The following PCSK5 variants were observed in gnomAD, a reference collection of about 807,000 sequenced individuals.
The protein encoded by PCSK5 is prohormone convertase 5.
A neutral mutation model predicts 233.2 loss-of-function variants in PCSK5; 129 were observed. That is an observed-to-expected ratio of 0.55 (90% CI 0.48 to 0.64). PCSK5 has a LOEUF of 0.64. PCSK5 is among the 30% of genes least tolerant of loss of function. The pLI, the probability that PCSK5 is intolerant of heterozygous loss-of-function variation, is 0.00. For synonymous variants in PCSK5, 825 were observed against 879.2 expected (o/e 0.94, Z 1.09); for missense variants, 2,076 against 2,430.1 (o/e 0.85, Z 3.06).
At chr9:76,136,043 G>T (rs957659018) in intron 10 of PCSK5, among the ~76,000 whole-genome samples, 1 of 151,970 alleles carries the variant, frequency 6.6e-6, no homozygotes, top group Non-Finnish European at 1.5e-5. Context: ...ACTATTGCAC[G>T]TGGCAATATT....
At position 76,358,648 on chromosome 9, in the gene PCSK5, G is replaced by A. The variant is rs573499972; in HGVS notation, c.5390G>A (p.Arg1797Gln). ...AVVVWKKSRGRVQPAAKAGYE... is the reference protein window; with the variant it reads ...AVVVWKKSRGQVQPAAKAGYE... ...GTAGTGTGGAAGAAATCTCGTGGCCGAGTCCAGCCAGCAGCAAAGGCCGGC... is the reference window on the plus strand; with the variant it reads ...GTAGTGTGGAAGAAATCTCGTGGCCAAGTCCAGCCAGCAGCAAAGGCCGGC... Residue 1797 changes from arginine to glutamine, a missense_variant, in exon 38 of 38, where the codon CGA becomes CAA. Physicochemically the swap from Arg to Gln is conservative, Grantham distance 43. Around this residue, in one of 6 missense-constraint regions of PCSK5, gnomAD observed 1,510 missense variants for 1,538.1 expected, o/e 0.98. Coordinates refer to ENST00000674117, the MANE Select transcript of PCSK5 (RefSeq NM_001372043.1). The A allele has an allele frequency of 2.2e-5, 35 of 1,612,746 alleles. 1 individual carries two copies. The African/African-American group carries it at 2.4e-4, about 11-fold the overall frequency.
chr9:76,109,746 G>GA (rs894566111), intron 9 of PCSK5, among the ~76,000 whole-genome samples: 9 of 151,978 alleles, frequency 5.9e-5, no homozygotes, highest in African/African-American at 2.2e-4. Flanking sequence ...GATAAACTCA[G>GA]AAAAAACAAA....
At chr9:76,177,634 A>G (rs1823674013) in intron 14 of PCSK5, among the ~76,000 whole-genome samples, 1 of 152,242 alleles carries the variant, frequency 6.6e-6, no homozygotes, top group South Asian at 2.1e-4. Context: ...AGGAGAAAGT[A>G]GATCCAAAAA....
At chr9:76,193,125 CT>C in intron 20 of PCSK5, 1 of 888,384 alleles carries the variant, frequency 1.1e-6, no homozygotes. Context: ...TGAATGATCT[CT>C]TCCAATTCCC....
chr9:76,237,861 A>T (rs1219529255), intron 22 of PCSK5, among the ~76,000 whole-genome samples: 1 of 152,232 alleles, frequency 6.6e-6, no homozygotes, highest in East Asian at 1.9e-4. Context: ...GCTCACAGGT[A>T]AAAAATAGTT....
chr9:75,983,269 A>G (rs1190277546), intron 2 of PCSK5, among the ~76,000 whole-genome samples: 1 of 152,218 alleles, frequency 6.6e-6, no homozygotes, highest in Non-Finnish European at 1.5e-5. Context: ...AATAACTTAC[A>G]TAATTTATAT....
chr9:75,933,764 A>T (rs761691368), intron 2 of PCSK5, among the ~76,000 whole-genome samples: 2 of 152,160 alleles, frequency 1.3e-5, no homozygotes, highest in African/African-American at 4.8e-5. Flanking sequence ...CACTATTCAG[A>T]ATTGAATTTT....
intron 37 of PCSK5, among the ~76,000 whole-genome samples, chr9:76,356,043 CAA>C (rs1179661606): frequency 6.6e-6 from 1 of 152,106 alleles, no homozygotes; most frequent in Non-Finnish European, 1.5e-5. Context: ...ATCATCTTTC[CAA>C]AAACGTTTTC....
At chr9:76,070,856 G>A (rs2131601550) in intron 6 of PCSK5, among the ~76,000 whole-genome samples, 1 of 152,104 alleles carries the variant, frequency 6.6e-6, no homozygotes, top group East Asian at 1.9e-4. Context: ...GTTTTCCTAA[G>A]GATTAAATTT....
intron 1 of PCSK5, among the ~76,000 whole-genome samples, chr9:75,921,475 G>A (rs938398204): frequency 1.1e-4 from 17 of 152,150 alleles, no homozygotes; most frequent in African/African-American, 2.6e-4. Context: ...CAATGCTTCC[G>A]GTTCCCGAGA....
chr9:76,345,713 C>T lies in PCSK5; in HGVS notation c.4967-5115C>T, dbSNP rs11144844. ...CTGGGATTACAGACGTGAGCCACCG[C>T]GCCTGGCCTGTTTGTTTGTTTTTTG... On this transcript the variant is annotated intron_variant, in intron 35 of 37. Coordinates refer to ENST00000674117, the MANE Select transcript of PCSK5 (RefSeq NM_001372043.1). Among the ~76,000 whole-genome samples the T allele has an allele frequency of 2.1e-3, 323 of 151,660 alleles. 1 individual carries two copies. Among genetic ancestry groups the T allele is most frequent in the African/African-American group, 7.1e-3 (295 of 41,338 alleles).
At chr9:76,265,096 T>C (rs1049643025) in intron 24 of PCSK5, among the ~76,000 whole-genome samples, 11 of 152,084 alleles carry the variant, frequency 7.2e-5, no homozygotes, top group African/African-American at 2.7e-4. Flanking sequence ...AAAAATTATG[T>C]CCTTTGTAGC....
chr9:76,139,835 C>T (rs1823134861), intron 10 of PCSK5, among the ~76,000 whole-genome samples: 1 of 152,024 alleles, frequency 6.6e-6, no homozygotes, highest in Non-Finnish European at 1.5e-5. Context: ...ACACAGAATT[C>T]AGGAATTTTA....
intron 10 of PCSK5, among the ~76,000 whole-genome samples, chr9:76,137,939 T>G (rs1010671066): frequency 2.6e-5 from 4 of 152,142 alleles, no homozygotes; most frequent in African/African-American, 9.7e-5. Flanking sequence ...TTTGTTTTGT[T>G]TTCTATTCTT....
At chr9:75,994,922 C>T (rs547849584) in intron 3 of PCSK5, among the ~76,000 whole-genome samples, 20 of 152,364 alleles carry the variant, frequency 1.3e-4, no homozygotes, top group African/African-American at 4.6e-4. Flanking sequence ...GAAGGCCTCA[C>T]ATGATTTGTT....
rs147509488 is a variant in PCSK5 at position 76,008,512 on chromosome 9, A to G, written c.412-15226A>G. 4.2e-3 allele frequency among the ~76,000 whole-genome samples: 635 copies of G among 151,182 alleles called. 41 individuals carry two copies. In the East Asian group the frequency reaches 0.11, roughly 26 times the overall value. On this transcript the variant is annotated intron_variant, in intron 3 of 37. Coordinates refer to ENST00000674117, the MANE Select transcript of PCSK5 (RefSeq NM_001372043.1). Reference sequence around the variant, plus strand: ...AGTCTCGCTCTGTCACCCAGGCTGGAGTGCAGTGGCGCAATCTTGGCTCAC... The same window carrying G: ...AGTCTCGCTCTGTCACCCAGGCTGGGGTGCAGTGGCGCAATCTTGGCTCAC...
intron 24 of PCSK5, among the ~76,000 whole-genome samples, chr9:76,254,025 T>C (rs902233495): frequency 2.0e-5 from 3 of 152,188 alleles, no homozygotes; most frequent in Non-Finnish European, 4.4e-5. Context: ...CTCTGTGTGA[T>C]CCTTAATTCA....
chr9:75,935,333 C>T (rs556421850), intron 2 of PCSK5, among the ~76,000 whole-genome samples: 4 of 152,314 alleles, frequency 2.6e-5, no homozygotes, highest in Non-Finnish European at 5.9e-5. Flanking sequence ...TCCCAGAGTG[C>T]TGGGATTACA....
intron 33 of PCSK5, among the ~76,000 whole-genome samples, chr9:76,328,827 G>C (rs1342344656): frequency 1.3e-5 from 2 of 151,442 alleles, no homozygotes; most frequent in African/African-American, 4.9e-5. Context: ...TTTGTTTGTT[G>C]GGAAGGAGTC....
Sources: gnomAD v4.1 joint callset for allele counts (sites outside exome capture counted in the v4.1 genomes callset) on GRCh38, gnomAD v4.1.1 for gene constraint, gnomAD v4.1.1 regional missense constraint, MANE v1.5 for transcripts, NCBI Gene and HGNC (gene_info 2026-07-23, HGNC 2026-07-21) for gene names.